The following CCND3 variants were observed in gnomAD, a reference collection of about 807,000 sequenced individuals.
CCND3 encodes cyclin D3, also known as G1/S-specific cyclin-D3.
CCND3 carries 9 observed loss-of-function variants against 28.7 expected under a neutral mutation model. That is an observed-to-expected ratio of 0.31 (90% CI 0.19 to 0.55). CCND3 has a LOEUF of 0.55. CCND3 is among the 20% of genes least tolerant of loss of function. The pLI, the probability that CCND3 is intolerant of heterozygous loss-of-function variation, is 0.93. For synonymous variants in CCND3, 164 were observed against 163.9 expected, an observed-to-expected ratio of 1.00 and a Z score of 0.00; for missense variants, 315 against 385.8, an observed-to-expected ratio of 0.82 and a Z score of 1.54.
intron 1 of CCND3, among the ~76,000 whole-genome samples, chr6:42,044,957 GT>G (rs1231639248): frequency 3.6e-4 from 17 of 47,180 alleles, no homozygotes; most frequent in African/African-American, 9.0e-4. Flanking sequence ...CCCGGCTAAC[GT>G]TTTTTTTTTT....
At chr6:41,943,965 G>GT (rs905777492), upstream of CCND3, among the ~76,000 whole-genome samples, 18 of 151,822 alleles carry the variant, frequency 1.2e-4, no homozygotes, top group African/African-American at 4.1e-4. Context: ...TTTTTGTTTG[G>GT]TTTTTTAACT....
intron 1 of CCND3, among the ~76,000 whole-genome samples, chr6:41,953,104 T>A (rs1471748809): frequency 6.6e-6 from 1 of 151,992 alleles, no homozygotes; most frequent in African/African-American, 2.4e-5. Context: ...AAACCCTGTC[T>A]CTACTAAAAA....
chr6:41,939,498 C>T lies in CCND3; in HGVS notation c.414+872G>A, dbSNP rs914435669. ...GGCTCCTTCTGAGGCGGGACAGAAC[C>T]GGTGACTTTCCTGCCCGGCCTGAGC... On this transcript the variant is annotated intron_variant, in intron 2 of 4. Coordinates refer to ENST00000372991, the MANE Select transcript of CCND3 (RefSeq NM_001760.5). The surrounding 1 kb of genome is among the most constrained non-coding windows in gnomAD (Gnocchi z 4.2). 6.6e-6 allele frequency among the ~76,000 whole-genome samples: 1 copy of T among 152,148 alleles called. No individual in the cohort carries two copies. Among genetic ancestry groups the T allele is most frequent in the East Asian group, 1.9e-4 (1 of 5,192 alleles).
intron 1 of CCND3, among the ~76,000 whole-genome samples, chr6:41,949,087 G>A (rs560756842): frequency 2.0e-5 from 3 of 152,240 alleles, no homozygotes; most frequent in South Asian, 2.1e-4. Flanking sequence ...GATGGCTCAC[G>A]CCTGCAATCC....
chr6:41,937,773 C>G, intron 2 of CCND3: 1 of 247,632 alleles, frequency 4.0e-6, no homozygotes, highest in East Asian at 8.9e-5. Context: ...TCACCATGAA[C>G]TGGGCTCTCT....
intron 1 of CCND3, among the ~76,000 whole-genome samples, chr6:41,984,813 G>A (rs1762442294): frequency 1.3e-5 from 2 of 152,152 alleles, no homozygotes; most frequent in South Asian, 4.1e-4. Flanking sequence ...TCTAACAGGT[G>A]TGAGGCGATA....
chr6:42,048,756 A>C lies in CCND3; in HGVS notation c.-301T>G, dbSNP rs1764625939. 2.1e-6 allele frequency: 1 copy of C among 476,698 alleles called. No individual in the cohort carries two copies. Among genetic ancestry groups the C allele is most frequent in the South Asian group, 1.5e-5 (1 of 66,456 alleles). The allele number at this position is 476,698 out of a possible 1,614,324, so 29.5% of individuals were successfully genotyped here. ...GTGGGGAAGAGGGGGCGGAGGAGAC[A>C]AAGGGGCTGGTGCTCTGCTCAGCCA... On this transcript the variant is annotated 5_prime_UTR_variant, in exon 1 of 5. Coordinates refer to the CCND3 transcript ENST00000372988. The surrounding 1 kb of genome is among the most constrained non-coding windows in gnomAD (Gnocchi z 4.7).
chr6:41,990,668 T>A (rs1250695739), intron 1 of CCND3, among the ~76,000 whole-genome samples: 33 of 684 alleles, frequency 0.048, no homozygotes, highest in Non-Finnish European at 0.17. Flanking sequence ...TGATTTTTTT[T>A]TTTTTTTTTT....
chr6:42,038,227 G>A (rs1273677233), intron 1 of CCND3, among the ~76,000 whole-genome samples: 1 of 151,854 alleles, frequency 6.6e-6, no homozygotes, highest in African/African-American at 2.4e-5. Flanking sequence ...TGGCCCCATT[G>A]TGCTGCTGGA....
intron 1 of CCND3, among the ~76,000 whole-genome samples, chr6:42,046,539 T>C (rs1764549639): frequency 1.3e-5 from 2 of 152,264 alleles, no homozygotes; most frequent in Admixed American, 1.3e-4. Flanking sequence ...AAGTTCTTTC[T>C]TGAATATAAT....
At chr6:41,959,498 C>A (rs1008802355) in intron 1 of CCND3, among the ~76,000 whole-genome samples, 4 of 151,724 alleles carry the variant, frequency 2.6e-5, no homozygotes, top group African/African-American at 9.7e-5. Context: ...TCCTGGCCAA[C>A]ATGGTGAAAC....
intron 1 of CCND3, among the ~76,000 whole-genome samples, chr6:41,950,233 G>T (rs945355129): frequency 4.6e-5 from 7 of 151,932 alleles, no homozygotes; most frequent in African/African-American, 1.7e-4. Context: ...TAAGACTGAG[G>T]TGCACACAGG....
chr6:41,995,307 G>A (rs1055048543), intron 1 of CCND3, among the ~76,000 whole-genome samples: 1 of 152,008 alleles, frequency 6.6e-6, no homozygotes, highest in Non-Finnish European at 1.5e-5. Context: ...GCCCAGGCTG[G>A]AGTGCAGTGG....
intron 1 of CCND3, among the ~76,000 whole-genome samples, chr6:41,987,477 TTCTCTCTCTCTC>T (rs71544258): frequency 1.3e-3 from 168 of 126,446 alleles, no homozygotes; most frequent in Non-Finnish European, 1.7e-3. Flanking sequence ...GACCAGGCTT[TTCTCTCTCTCTC>T]TCTCTCTCTC....
intron 1 of CCND3, among the ~76,000 whole-genome samples, chr6:42,045,013 T>C (rs1447953761): frequency 6.2e-5 from 9 of 144,450 alleles, no homozygotes; most frequent in Admixed American, 1.4e-4. Flanking sequence ...ACCATGTTGG[T>C]CAGGCTGGTC....
chr6:41,995,903 A>G (rs1762785691), intron 1 of CCND3, among the ~76,000 whole-genome samples: 2 of 151,708 alleles, frequency 1.3e-5, no homozygotes, highest in Non-Finnish European at 1.5e-5. Flanking sequence ...CTTTTTAATA[A>G]TACTAAAAAT....
chr6:41,969,478 T>G (rs939081564), intron 1 of CCND3, among the ~76,000 whole-genome samples: 2 of 151,866 alleles, frequency 1.3e-5, no homozygotes, highest in African/African-American at 4.8e-5. Context: ...AATGTGCCAC[T>G]GCACTCCAGC....
At chr6:41,988,232 G>A (rs576865432) in intron 1 of CCND3, among the ~76,000 whole-genome samples, 1 of 152,090 alleles carries the variant, frequency 6.6e-6, no homozygotes, top group Admixed American at 6.6e-5. Context: ...CTTGAACCCG[G>A]GAGGCAGAGG....
At chr6:42,011,847 A>C (rs1411025392) in intron 1 of CCND3, among the ~76,000 whole-genome samples, 2 of 152,156 alleles carry the variant, frequency 1.3e-5, no homozygotes, top group Non-Finnish European at 2.9e-5. Context: ...CTTCTACAGA[A>C]ACCTGCAAAG....
Sources: allele counts gnomAD v4.1 joint callset (sites outside exome capture counted in the v4.1 genomes callset), GRCh38; gene constraint gnomAD v4.1.1; non-coding constraint Gnocchi (gnomAD v3.1); transcripts MANE v1.5; gene names NCBI Gene and HGNC (gene_info 2026-07-23, HGNC 2026-07-21).